GAREM1: variants seen among roughly 807,000 people sequenced by gnomAD.
GAREM1 encodes the protein GRB2 associated regulator of MAPK1 subtype 1, also known as GRB2-associated and regulator of MAPK protein 1.
Under a neutral mutation model 71.3 loss-of-function variants are expected in GAREM1, and 26 were observed. The ratio of observed to expected loss-of-function variants is 0.36; its 90% CI spans 0.27 to 0.51. The LOEUF is 0.51. GAREM1 is among the 20% of genes least tolerant of loss of function. GAREM1 has a pLI of 0.95. For synonymous variants in GAREM1, 440 were observed against 433.2 expected, an observed-to-expected ratio of 1.02 and a Z score of -0.20; for missense variants, 1,026 against 1,103.1, an observed-to-expected ratio of 0.93 and a Z score of 0.99.
chr18:32,361,171 C>G (rs1046187190), intron 2 of GAREM1, among the ~76,000 whole-genome samples: 1 of 152,170 alleles, frequency 6.6e-6, no homozygotes, highest in South Asian at 2.1e-4. Context: ...TTGCCTCACA[C>G]AGTTCATAAG....
intron 2 of GAREM1, among the ~76,000 whole-genome samples, chr18:32,364,014 ATATATATATATATGTT>A (rs1325466597): frequency 2.2e-4 from 11 of 50,674 alleles, no homozygotes; most frequent in African/African-American, 1.0e-3. Flanking sequence ...ATATATATAT[ATATATATATATATGTT>A]TTTTTTTTTT....
chr18:32,365,933 C>T (rs2047925331), intron 2 of GAREM1, among the ~76,000 whole-genome samples: 1 of 152,104 alleles, frequency 6.6e-6, no homozygotes, highest in Admixed American at 6.5e-5. Context: ...GGTGCATTTC[C>T]AGAACACCTT....
intron 1 of GAREM1, among the ~76,000 whole-genome samples, chr18:32,401,746 A>G (rs756011190): frequency 6.6e-6 from 1 of 152,236 alleles, no homozygotes; most frequent in Non-Finnish European, 1.5e-5. Flanking sequence ...TTCGGGGGAA[A>G]AAAATGTTGT....
intron 1 of GAREM1, among the ~76,000 whole-genome samples, chr18:32,403,820 T>C (rs1270363935): frequency 6.6e-6 from 1 of 152,216 alleles, no homozygotes; most frequent in Non-Finnish European, 1.5e-5. Flanking sequence ...TAGGTTTGTT[T>C]TAGAGCTATG....
At chr18:32,288,271 A>AAAT (rs1215591440) in intron 3 of GAREM1, 68 bp from the exon 4 acceptor site, 3 of 1,274,886 alleles carry the variant, frequency 2.4e-6, no homozygotes, top group Admixed American at 2.3e-5. Flanking sequence ...ACTTCCTATT[A>AAAT]AGACACACAC....
At chr18:32,275,756 G>A (rs1283153233) in intron 4 of GAREM1, among the ~76,000 whole-genome samples, 3 of 152,082 alleles carry the variant, frequency 2.0e-5, no homozygotes, top group Admixed American at 1.3e-4. Flanking sequence ...TCAGCTCACC[G>A]CAACCTCCGC....
intron 1 of GAREM1, among the ~76,000 whole-genome samples, chr18:32,465,780 C>CT (rs2048993135): frequency 6.6e-6 from 1 of 152,232 alleles, no homozygotes; most frequent in Non-Finnish European, 1.5e-5. Flanking sequence ...CAAACGTACT[C>CT]TTGTTTAAAA....
intron 4 of GAREM1, among the ~76,000 whole-genome samples, chr18:32,285,058 A>C (rs1329669369): frequency 1.3e-5 from 2 of 151,944 alleles, no homozygotes; most frequent in Non-Finnish European, 2.9e-5. Flanking sequence ...CCGCCCCCTT[A>C]CTTTTTACCC....
At chr18:32,362,685 C>T (rs2047877480) in intron 2 of GAREM1, among the ~76,000 whole-genome samples, 1 of 152,166 alleles carries the variant, frequency 6.6e-6, no homozygotes, top group African/African-American at 2.4e-5. Context: ...CCTAACCATC[C>T]ACTTATGCTT....
intron 1 of GAREM1, among the ~76,000 whole-genome samples, chr18:32,461,454 G>C (rs1243143976): frequency 6.6e-6 from 1 of 152,128 alleles, no homozygotes; most frequent in Non-Finnish European, 1.5e-5. Context: ...CCAGCACTTT[G>C]GGAGGCCAAA....
At chr18:32,307,896 C>T (rs1234981085) in intron 3 of GAREM1, among the ~76,000 whole-genome samples, 2 of 152,186 alleles carry the variant, frequency 1.3e-5, no homozygotes, top group East Asian at 3.9e-4. Flanking sequence ...GGTATCCAGA[C>T]AAACTTTTCT....
chr18:32,436,915 A>G (rs1392412780), intron 1 of GAREM1, among the ~76,000 whole-genome samples: 1 of 152,160 alleles, frequency 6.6e-6, no homozygotes, highest in Non-Finnish European at 1.5e-5. Context: ...AGCAAGCCTT[A>G]TTTTTTGAGT....
chr18:32,310,050 A>G (rs2047300415), intron 3 of GAREM1, 143 bp downstream of exon 3: 1 of 728,938 alleles, frequency 1.4e-6, no homozygotes, highest in Non-Finnish European at 2.2e-6. Flanking sequence ...GCTACAATAT[A>G]TGTGGTTTTG....
At chr18:32,355,147 A>C (rs1395730587) in intron 2 of GAREM1, among the ~76,000 whole-genome samples, 1 of 152,196 alleles carries the variant, frequency 6.6e-6, no homozygotes, top group East Asian at 1.9e-4. Flanking sequence ...AAGATGGAAG[A>C]AAAAAAATTT....
In GAREM1 at chr18:32,281,043, A is replaced by G. The variant is rs1451447347; in HGVS notation, c.1566+5988T>C. On this transcript the variant is annotated intron_variant, in intron 4 of 5. Transcript: ENST00000269209. ...AAATTATTGCTACTATTTATTTTAA[A>G]TGTTTACCGAGTGCCAGGGAGAAGT... Among the ~76,000 whole-genome samples, 6 of 152,202 alleles carry G rather than the reference A, an allele frequency of 3.9e-5. No individual in the cohort carries two copies. The South Asian group carries it at 6.2e-4, about 16-fold the overall frequency.
intron 1 of GAREM1, among the ~76,000 whole-genome samples, chr18:32,419,602 C>T (rs2048501371): frequency 6.6e-6 from 1 of 152,170 alleles, no homozygotes; most frequent in Non-Finnish European, 1.5e-5. Context: ...TGTTTATAAG[C>T]CACCTGGTCT....
At chr18:32,436,562 G>T (rs2048681229) in intron 1 of GAREM1, among the ~76,000 whole-genome samples, 1 of 152,212 alleles carries the variant, frequency 6.6e-6, no homozygotes. Flanking sequence ...TTCTTACATA[G>T]TTAACCTGAT....
At chr18:32,294,459 T>C (rs2047119999) in intron 3 of GAREM1, among the ~76,000 whole-genome samples, 1 of 152,202 alleles carries the variant, frequency 6.6e-6, no homozygotes, top group African/African-American at 2.4e-5. Context: ...AAAATTTGCC[T>C]TTTCCAGATA....
intron 1 of GAREM1, among the ~76,000 whole-genome samples, chr18:32,400,430 A>C (rs1488574024): frequency 6.6e-6 from 1 of 152,236 alleles, no homozygotes; most frequent in Non-Finnish European, 1.5e-5. Context: ...CTCATCTGAC[A>C]AAGGGCTAAT....
Sources: gnomAD v4.1 joint callset for allele counts (sites outside exome capture counted in the v4.1 genomes callset) on GRCh38, gnomAD v4.1.1 for gene constraint, MANE v1.5 for transcripts, NCBI Gene and HGNC (gene_info 2026-07-23, HGNC 2026-07-21) for gene names.